The following PDE1A variants were observed in gnomAD, a reference collection of about 807,000 sequenced individuals.
The protein encoded by PDE1A is dual specificity calcium/calmodulin-dependent 3',5'-cyclic nucleotide phosphodiesterase 1A.
A neutral mutation model predicts 61.7 loss-of-function variants in PDE1A; 35 were observed. The observed-to-expected ratio is 0.57, with a 90% CI of 0.43 to 0.75. PDE1A has a LOEUF of 0.75. Among genes scored for constraint, PDE1A ranks in the 30% least tolerant of loss-of-function variants. The probability of loss-of-function intolerance (pLI) is 0.00; values close to 1 mark genes in which losing one functional copy is unlikely to be tolerated. For synonymous variants in PDE1A, 232 were observed against 213.2 expected (o/e 1.09, Z -0.77); for missense variants, 597 against 630.6 (o/e 0.95, Z 0.57).
At chr2:182,524,292 T>G (rs1292645793), upstream of PDE1A, among the ~76,000 whole-genome samples, 1 of 152,136 alleles carries the variant, frequency 6.6e-6, no homozygotes, top group African/African-American at 2.4e-5. Context: ...AAGTACTCTA[T>G]AATTATTATT....
intron 2 of PDE1A, among the ~76,000 whole-genome samples, chr2:182,520,513 G>A (rs1038396778): frequency 1.3e-5 from 2 of 151,890 alleles, no homozygotes; most frequent in Non-Finnish European, 2.9e-5. Context: ...AAGATCTACT[G>A]TTGGATGACT....
intron 2 of PDE1A, among the ~76,000 whole-genome samples, chr2:182,246,814 C>T (rs1157430618): frequency 3.3e-5 from 5 of 152,124 alleles, no homozygotes; most frequent in South Asian, 2.1e-4. Context: ...GCAGCCTGGG[C>T]TGCAAAGACC....
Position 182,290,137 on chromosome 2 carries a change from G to A in PDE1A, c.54-25723C>T, listed in dbSNP as rs116353833. ...CTTTTACTCTAAAGCAATATGCTCA[G>A]TGATTGAGATCATCAATAAATTAGG... On this transcript the variant is annotated intron_variant, in intron 1 of 13. Transcript: ENST00000351439. 1.7e-3 allele frequency among the ~76,000 whole-genome samples: 262 copies of A among 152,188 alleles called. 3 individuals are homozygous for A. The highest frequency in any genetic ancestry group is 2.8e-3 in the Non-Finnish European group (188 of 67,966).
At chr2:182,689,591 T>A in the PDE1A span, among the ~76,000 whole-genome samples, 1 of 151,876 alleles carries the variant, frequency 6.6e-6, no homozygotes, top group Non-Finnish European at 1.5e-5. Flanking sequence ...GATCCAAAAT[T>A]GACACCCTAA....
At chr2:182,514,957 C>T (rs1405758887) in intron 2 of PDE1A, among the ~76,000 whole-genome samples, 1 of 152,200 alleles carries the variant, frequency 6.6e-6, no homozygotes, top group Non-Finnish European at 1.5e-5. Flanking sequence ...TTTAGCCACA[C>T]ACCCAAACCA....
intron 1 of PDE1A, among the ~76,000 whole-genome samples, chr2:182,394,373 C>A (rs1701585168): frequency 6.6e-6 from 1 of 152,164 alleles, no homozygotes; most frequent in African/African-American, 2.4e-5. Flanking sequence ...TATTCACTAT[C>A]ACCAAAACAG....
the PDE1A span, among the ~76,000 whole-genome samples, chr2:182,686,203 GA>G: frequency 3.3e-5 from 5 of 151,640 alleles, no homozygotes; most frequent in Admixed American, 6.6e-5. Context: ...TAACAAAAAT[GA>G]AAAAAATCTA....
At chr2:182,442,956 A>G (rs1400845568) in intron 2 of PDE1A, among the ~76,000 whole-genome samples, 2 of 152,080 alleles carry the variant, frequency 1.3e-5, no homozygotes, top group Non-Finnish European at 2.9e-5. Context: ...CAAACAAAAC[A>G]AAACAATCCG....
chr2:182,692,127 G>A, the PDE1A span, among the ~76,000 whole-genome samples: 37 of 152,208 alleles, frequency 2.4e-4, no homozygotes, highest in Middle Eastern at 0.014. Flanking sequence ...GATTCCTCGG[G>A]GATCTAGAAC....
the PDE1A span, among the ~76,000 whole-genome samples, chr2:182,715,822 C>A: frequency 6.6e-6 from 1 of 152,226 alleles, no homozygotes; most frequent in Non-Finnish European, 1.5e-5. Flanking sequence ...CAATCAGTGT[C>A]GCTTCAGGCA....
rs16823040 is a variant in PDE1A at position 182,316,475 on chromosome 2, G to A, written c.54-52061C>T. Among the ~76,000 whole-genome samples the A allele has an allele frequency of 1.6e-3, 240 of 152,174 alleles. 6 individuals carry two copies. In the East Asian group the frequency reaches 0.041, roughly 26 times the overall value. On this transcript the variant is annotated intron_variant, in intron 1 of 13. Coordinates refer to ENST00000351439, the Ensembl canonical transcript of PDE1A. ...ATGTTTGGTAAATGGCCCAGATAAG[G>A]GTGGGTCTTTTGAATTCTAATCTAA...
intron 1 of PDE1A, among the ~76,000 whole-genome samples, chr2:182,364,494 A>AAAAAAAAAAAAAAAAAAAC (rs1699723127): frequency 6.9e-6 from 1 of 145,662 alleles, no homozygotes; most frequent in Non-Finnish European, 1.5e-5. Context: ...AAAAAAAAAA[A>AAAAAAAAAAAAAAAAAAAC]AAAAACCTTA....
chr2:182,276,010 T>G (rs939053874), intron 1 of PDE1A, among the ~76,000 whole-genome samples: 2 of 152,076 alleles, frequency 1.3e-5, no homozygotes, highest in Non-Finnish European at 2.9e-5. Flanking sequence ...TAATAAATAA[T>G]ACTCCTAACT....
chr2:182,607,090 G>A, the PDE1A span, among the ~76,000 whole-genome samples: 1 of 152,308 alleles, frequency 6.6e-6, no homozygotes. Context: ...TAAGGAAGAG[G>A]AATTGGTCAA....
intron 1 of PDE1A, among the ~76,000 whole-genome samples, chr2:182,379,781 A>G (rs1700620637): frequency 6.6e-6 from 1 of 152,142 alleles, no homozygotes; most frequent in African/African-American, 2.4e-5. Context: ...TGCTTAGTCT[A>G]CAGCAGTAGG....
chr2:182,652,038 T>G, the PDE1A span, among the ~76,000 whole-genome samples: 4 of 152,338 alleles, frequency 2.6e-5, no homozygotes, highest in East Asian at 7.7e-4. Flanking sequence ...GTATCAATTG[T>G]AAAAATTTAT....
chr2:182,159,317 G>T (rs141636962), intron 13 of PDE1A, among the ~76,000 whole-genome samples: 21 of 152,270 alleles, frequency 1.4e-4, no homozygotes, highest in African/African-American at 4.6e-4. Context: ...TAACTATATA[G>T]AGTGAGCAGT....
At chr2:182,617,591 T>C in the PDE1A span, among the ~76,000 whole-genome samples, 3 of 152,194 alleles carry the variant, frequency 2.0e-5, no homozygotes, top group Non-Finnish European at 4.4e-5. Context: ...ATTAGGGTGA[T>C]CTTAGGGATC....
At chr2:182,560,294 A>C in the PDE1A span, among the ~76,000 whole-genome samples, 6 of 138,780 alleles carry the variant, frequency 4.3e-5, no homozygotes, top group Non-Finnish European at 9.1e-5. Flanking sequence ...ATTCCCACCT[A>C]TGAGTGAGAA....
Sources: gnomAD v4.1 joint callset for allele counts (sites outside exome capture counted in the v4.1 genomes callset) on GRCh38, gnomAD v4.1.1 for gene constraint, MANE v1.5 for transcripts, NCBI Gene and HGNC (gene_info 2026-07-23, HGNC 2026-07-21) for gene names.